The following PIK3R3 variants were observed in gnomAD, a reference collection of about 807,000 sequenced individuals.
PIK3R3 encodes the protein phosphatidylinositol 3-kinase regulatory subunit gamma.
In PIK3R3, 64 loss-of-function variants were observed where a neutral mutation model predicts 62.9. The ratio of observed to expected loss-of-function variants is 1.02; its 90% CI spans 0.83 to 1.25. PIK3R3 has a LOEUF of 1.25. PIK3R3 is among the 50% of genes most tolerant of loss of function. The pLI, the probability that PIK3R3 is intolerant of heterozygous loss-of-function variation, is 0.00. For missense variants in PIK3R3, 614 were observed against 561.6 expected, an observed-to-expected ratio of 1.09 and a Z score of -0.94; for synonymous variants, 165 against 189.0, an observed-to-expected ratio of 0.87 and a Z score of 1.04.
intron 6 of PIK3R3, among the ~76,000 whole-genome samples, chr1:46,060,001 G>A (rs1383758594): frequency 6.6e-6 from 1 of 152,160 alleles, no homozygotes; most frequent in Non-Finnish European, 1.5e-5. Flanking sequence ...TTGGGAGGCT[G>A]AGGCAGGATA....
At chr1:46,130,913 G>C (rs1655522938) in intron 1 of PIK3R3, among the ~76,000 whole-genome samples, 1 of 151,900 alleles carries the variant, frequency 6.6e-6, no homozygotes, top group South Asian at 2.1e-4. Flanking sequence ...AGACTTTAAA[G>C]GAAAAAAAAG....
chr1:46,092,025 T>A (rs978121033), intron 1 of PIK3R3, among the ~76,000 whole-genome samples: 1 of 152,182 alleles, frequency 6.6e-6, no homozygotes, highest in African/African-American at 2.4e-5. Context: ...GAATGCAGAA[T>A]CTGTGAATAC....
intron 6 of PIK3R3, 59 bp downstream of exon 6, chr1:46,061,870 T>G (rs763024173): frequency 9.3e-6 from 14 of 1,501,088 alleles, no homozygotes; most frequent in Non-Finnish European, 1.1e-5. Context: ...ACAGAAATTA[T>G]TGGGGAAGAA....
At chr1:46,081,337 G>A (rs1005581341) in intron 1 of PIK3R3, among the ~76,000 whole-genome samples, 11 of 152,042 alleles carry the variant, frequency 7.2e-5, no homozygotes, top group Non-Finnish European at 1.2e-4. Context: ...GCTCTGTCCC[G>A]AGACAGAGAT....
At chr1:46,101,716 C>A (rs1250448321) in intron 1 of PIK3R3, among the ~76,000 whole-genome samples, 1 of 152,122 alleles carries the variant, frequency 6.6e-6, no homozygotes, top group Non-Finnish European at 1.5e-5. Flanking sequence ...ATTCAATTTA[C>A]ATGAAATATC....
the PIK3R3 span, among the ~76,000 whole-genome samples, chr1:46,156,615 G>C: frequency 6.6e-6 from 1 of 152,056 alleles, no homozygotes; most frequent in Non-Finnish European, 1.5e-5. Context: ...GCCTGACCGG[G>C]TCTCTCTGAG....
Position 46,044,315 on chromosome 1 carries a change from C to A in PIK3R3, c.1188-444G>T, listed in dbSNP as rs563775383. On this transcript the variant is annotated intron_variant, in intron 9 of 9. Coordinates refer to ENST00000262741, the MANE Select transcript of PIK3R3 (RefSeq NM_003629.4). The surrounding 1 kb of genome is among the most constrained non-coding windows in gnomAD (Gnocchi z 4.2). Reference sequence around the variant, plus strand: ...TCGTGAACTCCTGGGCTCAAGGAATCCTCCTGCCTTAGCCTATTAAAATGC... The same window carrying A: ...TCGTGAACTCCTGGGCTCAAGGAATACTCCTGCCTTAGCCTATTAAAATGC... Among the ~76,000 whole-genome samples the A allele has an allele frequency of 1.5e-4, 23 of 152,200 alleles. No homozygotes were observed. The highest frequency in any genetic ancestry group is 5.1e-4 in the African/African-American group (21 of 41,514).
At chr1:46,160,071 T>C in the PIK3R3 span, among the ~76,000 whole-genome samples, 1 of 152,220 alleles carries the variant, frequency 6.6e-6, no homozygotes, top group South Asian at 2.1e-4. Context: ...CAGCCAATGA[T>C]TTGTCCAAAA....
chr1:46,134,288 G>T (rs1185572577), upstream of PIK3R3, among the ~76,000 whole-genome samples: 2 of 152,174 alleles, frequency 1.3e-5, no homozygotes, highest in Non-Finnish European at 2.9e-5. Flanking sequence ...CTCCTAAGGT[G>T]GTTCTGCCTT....
chr1:46,125,848 C>A (rs1655044094), intron 1 of PIK3R3, among the ~76,000 whole-genome samples: 1 of 151,924 alleles, frequency 6.6e-6, no homozygotes, highest in South Asian at 2.1e-4. Flanking sequence ...GCAAGCTCCG[C>A]CTCCCGGGTT....
intron 3 of PIK3R3, among the ~76,000 whole-genome samples, chr1:46,067,632 T>C (rs188549479): frequency 9.5e-4 from 144 of 152,312 alleles, no homozygotes; most frequent in African/African-American, 3.2e-3. Context: ...AGCTCCTTAA[T>C]CTATGATTTA....
chr1:46,059,856 T>C (rs1430979561), intron 6 of PIK3R3, among the ~76,000 whole-genome samples: 1 of 152,144 alleles, frequency 6.6e-6, no homozygotes, highest in Non-Finnish European at 1.5e-5. Flanking sequence ...TCCCAGCACT[T>C]TGGGAGGCCA....
At chr1:46,073,527 T>A (rs1442120136) in intron 3 of PIK3R3, among the ~76,000 whole-genome samples, 2 of 152,226 alleles carry the variant, frequency 1.3e-5, no homozygotes, top group African/African-American at 2.4e-5. Flanking sequence ...AATCTCTTCC[T>A]CTGTGTTAAC....
At chr1:46,172,161 C>T in the PIK3R3 span, among the ~76,000 whole-genome samples, 7 of 152,190 alleles carry the variant, frequency 4.6e-5, no homozygotes, top group African/African-American at 1.4e-4. Flanking sequence ...TGCCAACTGT[C>T]CCAGTGTGCC....
At chr1:46,166,655 C>T in the PIK3R3 span, among the ~76,000 whole-genome samples, 20 of 152,202 alleles carry the variant, frequency 1.3e-4, no homozygotes, top group Non-Finnish European at 2.8e-4. Context: ...TTCAGGCTGT[C>T]AGGCCCTTGA....
the PIK3R3 span, among the ~76,000 whole-genome samples, chr1:46,141,465 T>C: frequency 6.7e-6 from 1 of 149,148 alleles, no homozygotes; most frequent in South Asian, 2.1e-4. Context: ...GAGATGGGGT[T>C]TCACCATCTT....
intron 1 of PIK3R3, among the ~76,000 whole-genome samples, chr1:46,129,884 T>G (rs921169292): frequency 6.6e-6 from 1 of 152,238 alleles, no homozygotes. Context: ...TTTTTCAGTA[T>G]TCTCAATAGA....
At chr1:46,059,713 G>A (rs1289104028) in intron 6 of PIK3R3, among the ~76,000 whole-genome samples, 1 of 152,166 alleles carries the variant, frequency 6.6e-6, no homozygotes, top group Non-Finnish European at 1.5e-5. Flanking sequence ...TGGATCCCGT[G>A]AGCCCAGGAG....
At chr1:46,061,273 T>C (rs1353444250) in intron 6 of PIK3R3, among the ~76,000 whole-genome samples, 1 of 152,316 alleles carries the variant, frequency 6.6e-6, no homozygotes, top group Middle Eastern at 3.4e-3. Context: ...ACACCTACCA[T>C]ATCTGGTCAG....
Sources: gnomAD v4.1 joint callset for allele counts (sites outside exome capture counted in the v4.1 genomes callset) on GRCh38, gnomAD v4.1.1 for gene constraint, Gnocchi (gnomAD v3.1) non-coding constraint, MANE v1.5 for transcripts, NCBI Gene and HGNC (gene_info 2026-07-23, HGNC 2026-07-21) for gene names.